Variants in GLB1 observed in about 807,000 individuals in gnomAD.
GLB1 encodes the protein galactosidase beta 1.
A neutral mutation model predicts 74.0 loss-of-function variants in GLB1; 56 were observed. That is an observed-to-expected ratio of 0.76 (90% CI 0.61 to 0.94). The LOEUF is 0.94. Ranked by LOEUF, GLB1 falls within the 40% of genes least tolerant of loss-of-function variation. The pLI, the probability that GLB1 is intolerant of heterozygous loss-of-function variation, is 0.00. For synonymous variants in GLB1, 323 were observed against 323.6 expected (o/e 1.00, Z 0.02); for missense variants, 787 against 845.5 (o/e 0.93, Z 0.86).
chr3:33,005,399 A>G (rs182546169), intron 15 of GLB1, among the ~76,000 whole-genome samples: 2 of 152,166 alleles, frequency 1.3e-5, no homozygotes, highest in East Asian at 3.9e-4. Context: ...AGCACTTATA[A>G]TTTCTTCCTC....
rs1700880839 is a variant in GLB1 at position 33,093,817 on chromosome 3, T to G, written c.75+3194A>C. 12 of 1,613,454 alleles carry G rather than the reference T, an allele frequency of 7.4e-6. No homozygotes were observed. Among genetic ancestry groups the G allele is most frequent in the Non-Finnish European group, 9.3e-6 (11 of 1,179,732 alleles). On this transcript the variant is annotated intron_variant, in intron 1 of 15. Coordinates refer to ENST00000307363, the MANE Select transcript of GLB1 (RefSeq NM_000404.4). This position sits in a 1 kb window ranked among gnomAD's most constrained non-coding sequence, Gnocchi z 6.0. ...AGGATGAAGAGGAAGAAGAGCATGA[T>G]GATGTAAGCACCCAGGCAGGAGTAG...
intron 9 of GLB1, among the ~76,000 whole-genome samples, chr3:33,050,864 G>A (rs371024687): frequency 1.3e-4 from 20 of 152,324 alleles, no homozygotes; most frequent in African/African-American, 4.6e-4. Context: ...GTTATAGACT[G>A]TGACTGAAGC....
the GLB1 span, among the ~76,000 whole-genome samples, chr3:32,978,451 A>G: frequency 0.032 from 4,799 of 152,152 alleles, 126 homozygotes; most frequent in South Asian, 0.086. Context: ...TACATCGTGG[A>G]CTCCTGTAGC....
At chr3:32,988,229 T>C in the GLB1 span, among the ~76,000 whole-genome samples, 1 of 142,214 alleles carries the variant, frequency 7.0e-6, no homozygotes, top group African/African-American at 2.6e-5. Flanking sequence ...ACTTTTAAGG[T>C]GCAAAGACCA....
intron 11 of GLB1, among the ~76,000 whole-genome samples, chr3:33,023,251 A>C (rs1697579154): frequency 6.6e-6 from 1 of 152,208 alleles, no homozygotes; most frequent in African/African-American, 2.4e-5. Context: ...TGAAACAAAC[A>C]AACCAAAGTT....
At chr3:33,059,261 A>G (rs1197371092) in intron 5 of GLB1, among the ~76,000 whole-genome samples, 1 of 91,494 alleles carries the variant, frequency 1.1e-5, no homozygotes, top group Non-Finnish European at 2.5e-5. Context: ...ACACACACAC[A>G]CACACACACA....
At chr3:33,032,034 G>A (rs1263168371) in intron 10 of GLB1, among the ~76,000 whole-genome samples, 2 of 152,100 alleles carry the variant, frequency 1.3e-5, no homozygotes, top group African/African-American at 2.4e-5. Flanking sequence ...CTGACCTCAG[G>A]TGATCCACCC....
chr3:33,011,642 A>AG (rs1302873167), intron 15 of GLB1, among the ~76,000 whole-genome samples: 1 of 148,404 alleles, frequency 6.7e-6, no homozygotes, highest in Admixed American at 6.8e-5. Flanking sequence ...CCATCTCAAA[A>AG]AAAAAAAAAA....
intron 15 of GLB1, among the ~76,000 whole-genome samples, chr3:33,003,945 G>A (rs1212573957): frequency 5.3e-5 from 8 of 152,022 alleles, no homozygotes; most frequent in African/African-American, 1.9e-4. Flanking sequence ...CAGGAGAATC[G>A]CTTGAACCTG....
intron 10 of GLB1, among the ~76,000 whole-genome samples, chr3:33,029,560 T>C (rs546416748): frequency 1.3e-4 from 20 of 152,104 alleles, no homozygotes; most frequent in African/African-American, 4.8e-4. Context: ...TAAATGACAA[T>C]CAATGGTAGA....
the GLB1 span, among the ~76,000 whole-genome samples, chr3:32,970,539 C>T: frequency 1.8e-4 from 28 of 152,128 alleles, 1 homozygote; most frequent in African/African-American, 4.3e-4. Flanking sequence ...CTCTTTCAAA[C>T]CTAGGGACTT....
At chr3:33,074,903 G>A (rs754163926) in intron 1 of GLB1, among the ~76,000 whole-genome samples, 3 of 152,160 alleles carry the variant, frequency 2.0e-5, no homozygotes, top group Non-Finnish European at 4.4e-5. Context: ...CTGGCGAGCG[G>A]AAGTTAAACA....
chr3:33,064,776 CAAAAAAAAA>C (rs36181668), intron 5 of GLB1, among the ~76,000 whole-genome samples: 9 of 64,558 alleles, frequency 1.4e-4, no homozygotes, highest in Admixed American at 1.3e-3. Context: ...GACTCTCTCT[CAAAAAAAAA>C]AAAAAAAAAA....
chr3:33,077,057 C>G, intron 1 of GLB1: 1 of 1,313,730 alleles, frequency 7.6e-7, no homozygotes, highest in Non-Finnish European at 9.9e-7. Context: ...GACCCTGTCT[C>G]TATAAAAAAA....
the GLB1 span, among the ~76,000 whole-genome samples, chr3:32,963,859 C>A: frequency 2.0e-5 from 3 of 152,072 alleles, no homozygotes; most frequent in Non-Finnish European, 2.9e-5. Flanking sequence ...AAAGCAATAG[C>A]AATATTTCCA....
chr3:33,034,105 G>T (rs1698171380), intron 10 of GLB1: 1 of 596,926 alleles, frequency 1.7e-6, no homozygotes. Flanking sequence ...CCTATGATTG[G>T]AAAGTCATTA....
chr3:33,045,709 G>A, intron 10 of GLB1: 1 of 1,078,054 alleles, frequency 9.3e-7, no homozygotes, highest in Non-Finnish European at 1.1e-6. Context: ...TGCCTTAATA[G>A]GGGCTATAGT....
In GLB1 at chr3:33,018,375, T is replaced by G. The variant is rs1044770787; in HGVS notation, c.1347+73A>C. 27 of 1,365,564 alleles carry G rather than the reference T, an allele frequency of 2.0e-5. 1 individual carries two copies. The highest frequency in any genetic ancestry group is 2.7e-5 in the Non-Finnish European group (27 of 984,994). The allele number at this position is 1,365,564 out of a possible 1,614,324, so 84.6% of individuals were successfully genotyped here. Reference sequence around the variant, plus strand: ...AAAGGTGAGCAAAGACCCCAAATGCTGTGTTAACAAGTGCAGGCTGCTCAT... The same window carrying G: ...AAAGGTGAGCAAAGACCCCAAATGCGGTGTTAACAAGTGCAGGCTGCTCAT... On this transcript the variant is annotated intron_variant, in intron 13 of 15. Transcript: ENST00000307363.
chr3:32,979,851 CAAAAA>C, the GLB1 span, among the ~76,000 whole-genome samples: 2 of 25,212 alleles, frequency 7.9e-5, no homozygotes, highest in African/African-American at 1.5e-4. Context: ...GACCCTGTCT[CAAAAA>C]AAAAAAAAAA....
Sources: allele counts gnomAD v4.1 joint callset (sites outside exome capture counted in the v4.1 genomes callset), GRCh38; gene constraint gnomAD v4.1.1; non-coding constraint Gnocchi (gnomAD v3.1); transcripts MANE v1.5; gene names NCBI Gene and HGNC (gene_info 2026-07-23, HGNC 2026-07-21).